CNPY1: variants seen among roughly 807,000 people sequenced by gnomAD.
The protein encoded by CNPY1 is canopy FGF signaling regulator 1, also known as protein canopy homolog 1.
A neutral mutation model predicts 14.4 loss-of-function variants in CNPY1; 14 were observed. The observed-to-expected ratio is 0.97, with a 90% CI of 0.64 to 1.52. The LOEUF (loss-of-function observed/expected upper bound fraction) is 1.52, where lower values mean the gene tolerates loss of function less well. Ranked by LOEUF, CNPY1 falls within the 40% of genes most tolerant of loss-of-function variation. CNPY1 has a pLI of 0.00. For missense variants in CNPY1, 129 were observed against 131.5 expected, an observed-to-expected ratio of 0.98 and a Z score of 0.09; for synonymous variants, 43 against 46.5, an observed-to-expected ratio of 0.92 and a Z score of 0.31.
intron 4 of CNPY1, among the ~76,000 whole-genome samples, chr7:155,504,687 C>CAA: frequency 8.6e-6 from 1 of 116,178 alleles, no homozygotes; most frequent in Non-Finnish European, 1.8e-5. Context: ...TTCATACCCC[C>CAA]CAACACACAC....
At chr7:155,523,710 T>C (rs888653391) in intron 2 of CNPY1, among the ~76,000 whole-genome samples, 4 of 152,180 alleles carry the variant, frequency 2.6e-5, no homozygotes, top group Admixed American at 1.3e-4. Context: ...AAAACCTCAG[T>C]GGGTTGGGCT....
chr7:155,540,271 C>G (rs1036752020), intron 2 of CNPY1, among the ~76,000 whole-genome samples: 1 of 152,224 alleles, frequency 6.6e-6, no homozygotes, highest in Non-Finnish European at 1.5e-5. Flanking sequence ...CTTCCAATGT[C>G]CTTTAATTCA....
intron 2 of CNPY1, among the ~76,000 whole-genome samples, chr7:155,511,068 G>A (rs947200657): frequency 6.6e-6 from 1 of 152,092 alleles, no homozygotes; most frequent in Admixed American, 6.5e-5. Context: ...AAGAGTAGAC[G>A]CTGTCATTTA....
intron 2 of CNPY1, among the ~76,000 whole-genome samples, chr7:155,510,757 AT>A (rs1405376336): frequency 6.6e-6 from 1 of 152,254 alleles, no homozygotes; most frequent in African/African-American, 2.4e-5. Flanking sequence ...CCGTTCATTA[AT>A]TTTCATTAAG....
In CNPY1 at chr7:155,529,143, A is replaced by G. The variant is rs115447778; in HGVS notation, c.99+16688T>C. ...CGAACCTGGAGGTTCCGAAGACCCC[A>G]GGAGAGGGAACTGGACAGTCAGCTC... is the stretch of plus-strand genomic sequence containing the variant. On this transcript the variant is annotated intron_variant, in intron 2 of 4. Transcript: ENST00000636446. 2.7e-3 allele frequency among the ~76,000 whole-genome samples: 418 copies of G among 152,184 alleles called. 3 individuals carry two copies. The highest frequency in any genetic ancestry group is 9.6e-3 in the African/African-American group (398 of 41,522).
chr7:155,527,409 CAT>C (rs1247681523), intron 2 of CNPY1, among the ~76,000 whole-genome samples: 1 of 140,096 alleles, frequency 7.1e-6, no homozygotes, highest in South Asian at 2.4e-4. Flanking sequence ...CTAAAATCAT[CAT>C]GTGTTATTTT....
chr7:155,507,471 T>TAAAAAAAAAAAAAAAAA lies in CNPY1; in HGVS notation c.304-372_304-356dup, dbSNP rs35711313. Among the ~76,000 whole-genome samples the TAAAAAAAAAAAAAAAAA allele has an allele frequency of 1.2e-3, 65 of 54,142 alleles. 6 individuals carry two copies. The highest frequency in any genetic ancestry group is 5.9e-3 in the African/African-American group (60 of 10,106). The allele number at this position is 54,142 out of a possible 152,430, so 35.5% of individuals were successfully genotyped here. On this transcript the variant is annotated intron_variant, in intron 3 of 4. Transcript: ENST00000636446. ...CTGAAAAGTCCAACGGTTTTTAAAC[T>TAAAAAAAAAAAAAAAAA]AAAAAAAAAAAAAAAAAAAAAAAAA...
Position 155,536,591 on chromosome 7 carries a change from TC to T in CNPY1, c.99+9239del, listed in dbSNP as rs1396778815. Among the ~76,000 whole-genome samples, 1 of 152,102 alleles carries T rather than the reference TC, an allele frequency of 6.6e-6. No individual in the cohort carries two copies. The highest frequency in any genetic ancestry group is 2.4e-5 in the African/African-American group (1 of 41,420). On this transcript the variant is annotated intron_variant, in intron 2 of 4. Transcript: ENST00000636446. The surrounding 1 kb of genome is among the most constrained non-coding windows in gnomAD (Gnocchi z 4.1). ...GGAACGTAGGCAGAAGCAAGGCCCC[TC>T]CCTGTTAGCCCTGCCTGTAAACATT... is the stretch of plus-strand genomic sequence containing the variant.
chr7:155,522,921 C>G (rs988719921), intron 2 of CNPY1, among the ~76,000 whole-genome samples: 1 of 152,216 alleles, frequency 6.6e-6, no homozygotes, highest in South Asian at 2.1e-4. Context: ...AAAGCTGAAG[C>G]ACATTAAATC....
chr7:155,520,371 C>T (rs10226878), intron 2 of CNPY1, among the ~76,000 whole-genome samples: 108 of 151,304 alleles, frequency 7.1e-4, no homozygotes, highest in African/African-American at 2.5e-3. Flanking sequence ...CATTTCTTAG[C>T]GCCTGCTGGG....
At chr7:155,503,439 T>C (rs770142430) in intron 4 of CNPY1, among the ~76,000 whole-genome samples, 9 of 152,128 alleles carry the variant, frequency 5.9e-5, no homozygotes, top group Non-Finnish European at 8.8e-5. Flanking sequence ...CAGCCTGTAA[T>C]GGGCACAGGA....
intron 2 of CNPY1, among the ~76,000 whole-genome samples, chr7:155,530,003 G>C (rs1006033402): frequency 6.6e-6 from 1 of 151,710 alleles, no homozygotes; most frequent in South Asian, 2.1e-4. Context: ...GGCTGGTCTC[G>C]AACTCCCAAC....
At chr7:155,506,876 T>G in intron 4 of CNPY1, 144 bp downstream of exon 4, 1 of 648,444 alleles carries the variant, frequency 1.5e-6, no homozygotes, top group Admixed American at 2.8e-5. Context: ...CTGTCGTTTC[T>G]GATTCAGCGG....
At chr7:155,538,958 A>T (rs1045069489) in intron 2 of CNPY1, among the ~76,000 whole-genome samples, 5 of 152,102 alleles carry the variant, frequency 3.3e-5, no homozygotes, top group Admixed American at 6.5e-5. Flanking sequence ...TCCAAAGGAG[A>T]CCAGTGCCAG....
At chr7:155,545,615 C>T (rs981114516) in intron 2 of CNPY1, among the ~76,000 whole-genome samples, 1 of 152,130 alleles carries the variant, frequency 6.6e-6, no homozygotes, top group Non-Finnish European at 1.5e-5. Context: ...AAATGTCTTT[C>T]GACTTGACGA....
At chr7:155,527,919 G>A (rs1390706592) in intron 2 of CNPY1, among the ~76,000 whole-genome samples, 1 of 152,202 alleles carries the variant, frequency 6.6e-6, no homozygotes, top group African/African-American at 2.4e-5. Flanking sequence ...GCGTGGCCCT[G>A]GTGGCCCCGA....
At chr7:155,538,270 G>A (rs1048064504) in intron 2 of CNPY1, among the ~76,000 whole-genome samples, 1 of 152,206 alleles carries the variant, frequency 6.6e-6, no homozygotes, top group African/African-American at 2.4e-5. Flanking sequence ...GTTGCTAAGT[G>A]TGGCCTCCAG....
In CNPY1 at chr7:155,501,199, C is replaced by T. The variant is rs1176546070; in HGVS notation, c.*1869G>A. On this transcript the variant is annotated 3_prime_UTR_variant, in exon 5 of 5. Transcript: ENST00000636446. ...ACCTGAAATGCCATATTTATCACAA[C>T]CTTAGATAGTCACTGTAAGTCAAGG... The T allele has an allele frequency of 6.6e-6, 1 of 152,144 alleles. No individual in the cohort carries two copies. Among genetic ancestry groups the T allele is most frequent in the African/African-American group, 2.4e-5 (1 of 41,436 alleles). The allele number at this position is 152,144 out of a possible 1,614,324, so 9.4% of individuals were successfully genotyped here.
At chr7:155,538,666 G>C (rs576138321) in intron 2 of CNPY1, among the ~76,000 whole-genome samples, 71 of 152,316 alleles carry the variant, frequency 4.7e-4, no homozygotes, top group Non-Finnish European at 9.3e-4. Context: ...AGATATGAGG[G>C]GGAGTTCTGG....
Sources: gnomAD v4.1 joint callset for allele counts (sites outside exome capture counted in the v4.1 genomes callset) on GRCh38, gnomAD v4.1.1 for gene constraint, Gnocchi (gnomAD v3.1) non-coding constraint, MANE v1.5 for transcripts, NCBI Gene and HGNC (gene_info 2026-07-23, HGNC 2026-07-21) for gene names.